UBE3D: variants seen among roughly 807,000 people sequenced by gnomAD.
UBE3D encodes E3 ubiquitin-protein ligase E3D.
UBE3D carries 48 observed loss-of-function variants against 49.6 expected under a neutral mutation model. The ratio of observed to expected loss-of-function variants is 0.97; its 90% CI spans 0.77 to 1.23. The LOEUF (loss-of-function observed/expected upper bound fraction) is 1.23. Ranked by LOEUF, UBE3D falls within the 50% of genes most tolerant of loss-of-function variation. The pLI is 0.00. For missense variants in UBE3D, 452 were observed against 468.4 expected (o/e 0.96, Z 0.32); for synonymous variants, 189 against 174.2 (o/e 1.08, Z -0.67).
intron 8 of UBE3D, among the ~76,000 whole-genome samples, chr6:82,999,598 T>C (rs1262298048): frequency 6.6e-6 from 1 of 152,154 alleles, no homozygotes; most frequent in African/African-American, 2.4e-5. Flanking sequence ...TTGGCCAGGC[T>C]GGTCTTGAAC....
chr6:82,900,808 G>A (rs1175130553), intron 9 of UBE3D, among the ~76,000 whole-genome samples: 1 of 152,096 alleles, frequency 6.6e-6, no homozygotes, highest in Non-Finnish European at 1.5e-5. Flanking sequence ...TTTTTTAAGA[G>A]AAAGGGATAA....
chr6:82,929,015 C>A (rs577784730), intron 9 of UBE3D, among the ~76,000 whole-genome samples: 1 of 152,116 alleles, frequency 6.6e-6, no homozygotes, highest in Non-Finnish European at 1.5e-5. Flanking sequence ...AACCACATAG[C>A]GACCAAAATA....
At chr6:83,016,339 G>C (rs545045851) in intron 8 of UBE3D, among the ~76,000 whole-genome samples, 2 of 152,142 alleles carry the variant, frequency 1.3e-5, no homozygotes, top group Non-Finnish European at 2.9e-5. Flanking sequence ...TGCCTCTCAT[G>C]AGCGGTGAAT....
In UBE3D at chr6:82,901,388, T is replaced by C. The variant is rs552617338; in HGVS notation, c.1150-8346A>G. On this transcript the variant is annotated intron_variant, in intron 9 of 9. Coordinates refer to ENST00000369747, the MANE Select transcript of UBE3D (RefSeq NM_198920.3). ...ATAGTCCAGCCCAGTGCTTCTCAGGTGCTGTCTCTGGATCAGCATTGCTGG... is the reference window on the plus strand; with the variant it reads ...ATAGTCCAGCCCAGTGCTTCTCAGGCGCTGTCTCTGGATCAGCATTGCTGG... Among the ~76,000 whole-genome samples the C allele has an allele frequency of 1.4e-3, 208 of 152,270 alleles. 2 individuals carry two copies. The highest frequency in any genetic ancestry group is 3.9e-3 in the African/African-American group (162 of 41,554).
intron 8 of UBE3D, among the ~76,000 whole-genome samples, chr6:82,970,392 C>T (rs894641012): frequency 4.6e-5 from 7 of 151,876 alleles, no homozygotes; most frequent in Admixed American, 2.0e-4. Context: ...TTTTAAATCA[C>T]AGGCAGAGGG....
At chr6:83,035,499 A>G (rs145476749) in intron 5 of UBE3D, among the ~76,000 whole-genome samples, 146 of 152,286 alleles carry the variant, frequency 9.6e-4, no homozygotes, top group African/African-American at 3.1e-3. Flanking sequence ...TTCTGGGCTG[A>G]AATCTTTTTC....
chr6:82,945,646 C>G (rs1458713774), intron 9 of UBE3D, among the ~76,000 whole-genome samples: 1 of 152,166 alleles, frequency 6.6e-6, no homozygotes, highest in African/African-American at 2.4e-5. Flanking sequence ...AAAAACATGA[C>G]CTCACCAAAC....
chr6:83,030,463 C>T (rs1170105708), intron 5 of UBE3D, among the ~76,000 whole-genome samples: 2 of 152,206 alleles, frequency 1.3e-5, no homozygotes, highest in African/African-American at 4.8e-5. Context: ...CTTTCCTCCT[C>T]CTTCACCTTG....
chr6:83,048,060 C>T (rs759847286), intron 3 of UBE3D, among the ~76,000 whole-genome samples: 24 of 101,602 alleles, frequency 2.4e-4, no homozygotes, highest in South Asian at 2.2e-3. Flanking sequence ...CCAGCCTGGG[C>T]AACAGGGAGA....
intron 8 of UBE3D, among the ~76,000 whole-genome samples, chr6:82,963,532 G>A (rs564290809): frequency 1.2e-4 from 19 of 152,272 alleles, no homozygotes; most frequent in African/African-American, 4.3e-4. Context: ...TCCCAAAGCC[G>A]AAGAACTTGG....
At chr6:82,964,588 G>T (rs1776778335) in intron 8 of UBE3D, among the ~76,000 whole-genome samples, 1 of 152,132 alleles carries the variant, frequency 6.6e-6, no homozygotes, top group African/African-American at 2.4e-5. Flanking sequence ...GCTTATACCT[G>T]TAAATTTTAG....
intron 8 of UBE3D, among the ~76,000 whole-genome samples, chr6:82,996,651 G>A (rs1779260455): frequency 6.6e-6 from 1 of 152,090 alleles, no homozygotes; most frequent in African/African-American, 2.4e-5. Flanking sequence ...GACTAACATT[G>A]CCGGTGATGG....
chr6:82,968,852 A>T (rs1777136909), intron 8 of UBE3D, among the ~76,000 whole-genome samples: 1 of 152,146 alleles, frequency 6.6e-6, no homozygotes. Context: ...ATTACATTTT[A>T]AAAATTTTAT....
At chr6:82,888,683 GA>G (rs2127707780), downstream of UBE3D, among the ~76,000 whole-genome samples, 1 of 152,270 alleles carries the variant, frequency 6.6e-6, no homozygotes, top group East Asian at 1.9e-4. Flanking sequence ...GGGTGGCCTT[GA>G]AAATGGGTTT....
At chr6:83,058,508 T>C (rs908173765) in intron 1 of UBE3D, among the ~76,000 whole-genome samples, 2 of 152,100 alleles carry the variant, frequency 1.3e-5, no homozygotes, top group African/African-American at 4.8e-5. Flanking sequence ...GTATAGGCAA[T>C]AAAGAGTAAA....
At chr6:82,949,479 A>C (rs1054554621) in intron 9 of UBE3D, among the ~76,000 whole-genome samples, 3 of 150,850 alleles carry the variant, frequency 2.0e-5, no homozygotes, top group Admixed American at 2.0e-4. Context: ...TCACTGCCTA[A>C]ACAATGACAT....
At chr6:83,021,119 A>T (rs556151891) in intron 7 of UBE3D, among the ~76,000 whole-genome samples, 1 of 152,198 alleles carries the variant, frequency 6.6e-6, no homozygotes, top group Non-Finnish European at 1.5e-5. Context: ...ATATCACAGA[A>T]TCAGAGGCAA....
At chr6:82,950,972 G>A (rs1472056095) in intron 9 of UBE3D, among the ~76,000 whole-genome samples, 2 of 151,750 alleles carry the variant, frequency 1.3e-5, no homozygotes, top group Non-Finnish European at 2.9e-5. Context: ...GTAGTGGAGG[G>A]ATGAGGGAAG....
At chr6:82,912,713 T>C (rs1430956362) in intron 9 of UBE3D, among the ~76,000 whole-genome samples, 1 of 152,224 alleles carries the variant, frequency 6.6e-6, no homozygotes, top group Non-Finnish European at 1.5e-5. Flanking sequence ...TATTGCAAAA[T>C]TAGTTCATTT....
Sources: allele counts gnomAD v4.1 joint callset (sites outside exome capture counted in the v4.1 genomes callset), GRCh38; gene constraint gnomAD v4.1.1; transcripts MANE v1.5; gene names NCBI Gene and HGNC (gene_info 2026-07-23, HGNC 2026-07-21).